FSTL5: variants seen among roughly 807,000 people sequenced by gnomAD.
FSTL5 encodes the protein follistatin like 5.
Under a neutral mutation model 89.1 loss-of-function variants are expected in FSTL5, and 62 were observed. The ratio of observed to expected loss-of-function variants is 0.70; its 90% confidence interval spans 0.57 to 0.86. The LOEUF is 0.86. Among genes scored for constraint, FSTL5 ranks in the 40% least tolerant of loss-of-function variants. The pLI is 0.00. For missense variants in FSTL5, 1,057 were observed against 1,001.6 expected, an observed-to-expected ratio of 1.06 and a Z score of -0.75; for synonymous variants, 383 against 346.2, an observed-to-expected ratio of 1.11 and a Z score of -1.18.
At chr4:161,556,559 T>A (rs958498499) in intron 8 of FSTL5, among the ~76,000 whole-genome samples, 2 of 151,502 alleles carry the variant, frequency 1.3e-5, no homozygotes, top group Non-Finnish European at 3.0e-5. Flanking sequence ...TACTCATTTG[T>A]AAAATGAACA....
At chr4:161,943,914 TCAGA>T (rs1256935293) in intron 3 of FSTL5, among the ~76,000 whole-genome samples, 1 of 152,148 alleles carries the variant, frequency 6.6e-6, no homozygotes, top group Non-Finnish European at 1.5e-5. Flanking sequence ...CATTAAGTTC[TCAGA>T]CAAATTGTTG....
chr4:161,920,100 G>A (rs1156477040), intron 4 of FSTL5, among the ~76,000 whole-genome samples: 1 of 152,200 alleles, frequency 6.6e-6, no homozygotes. Flanking sequence ...AATTTGGCCT[G>A]TAGACTGAAT....
intron 6 of FSTL5, among the ~76,000 whole-genome samples, chr4:161,656,946 G>A (rs1397502585): frequency 6.6e-6 from 1 of 152,120 alleles, no homozygotes; most frequent in Admixed American, 6.5e-5. Flanking sequence ...GACTCTGAAG[G>A]CATAAGATTT....
intron 4 of FSTL5, among the ~76,000 whole-genome samples, chr4:161,785,235 A>G (rs752137700): frequency 1.3e-5 from 2 of 152,190 alleles, no homozygotes; most frequent in Non-Finnish European, 2.9e-5. Flanking sequence ...AGGTGCATCC[A>G]TTTGTCTTGG....
At chr4:161,814,665 A>G (rs1730269944) in intron 4 of FSTL5, among the ~76,000 whole-genome samples, 1 of 152,116 alleles carries the variant, frequency 6.6e-6, no homozygotes, top group African/African-American at 2.4e-5. Context: ...AAATGTTTCA[A>G]TCTCTGGATT....
chr4:161,489,276 T>C (rs1268434012), intron 12 of FSTL5, among the ~76,000 whole-genome samples: 1 of 152,032 alleles, frequency 6.6e-6, no homozygotes, highest in Non-Finnish European at 1.5e-5. Context: ...CCAGGGGCCA[T>C]TAGACACTGA....
intron 5 of FSTL5, among the ~76,000 whole-genome samples, chr4:161,774,309 C>T (rs2126802715): frequency 6.6e-6 from 1 of 152,234 alleles, no homozygotes; most frequent in Admixed American, 6.5e-5. Context: ...TCTCTCACCC[C>T]CACTTCCAAG....
chr4:161,884,056 TTTAA>T (rs1000185563), intron 4 of FSTL5, among the ~76,000 whole-genome samples: 35 of 43,204 alleles, frequency 8.1e-4, no homozygotes, highest in Admixed American at 2.3e-3. Flanking sequence ...GTTCTTTTAA[TTTAA>T]TTTTTTTTGA....
intron 3 of FSTL5, among the ~76,000 whole-genome samples, chr4:162,022,409 T>C (rs950962845): frequency 6.6e-6 from 1 of 151,800 alleles, no homozygotes; most frequent in Non-Finnish European, 1.5e-5. Context: ...ATACCAAGAG[T>C]TTTAAAGAAA....
intron 2 of FSTL5, among the ~76,000 whole-genome samples, chr4:162,042,719 T>C (rs1469539163): frequency 4.6e-5 from 7 of 151,922 alleles, no homozygotes; most frequent in Non-Finnish European, 1.0e-4. Context: ...TCTCAATGTA[T>C]ATTAATTTGA....
At chr4:162,115,216 A>G (rs1406725914) in intron 1 of FSTL5, among the ~76,000 whole-genome samples, 1 of 152,198 alleles carries the variant, frequency 6.6e-6, no homozygotes, top group Non-Finnish European at 1.5e-5. Flanking sequence ...TTACTAAGAA[A>G]AACAAATGAA....
At chr4:161,677,642 A>C (rs1737353607) in intron 6 of FSTL5, among the ~76,000 whole-genome samples, 2 of 151,976 alleles carry the variant, frequency 1.3e-5, no homozygotes, top group Admixed American at 1.3e-4. Context: ...TGAGAACCGA[A>C]AGAGTGTTCC....
In FSTL5 at chr4:161,664,957, A is replaced by G. The variant is rs140288636; in HGVS notation, c.728-8463T>C. 937 of 165,572 alleles carry G rather than the reference A, an allele frequency of 5.7e-3. 10 individuals are homozygous for G. Among genetic ancestry groups the G allele is most frequent in the South Asian group, 0.043 (225 of 5,280 alleles). 10.3% of individuals were successfully genotyped at this position (165,572 alleles called of 1,614,324 possible). On this transcript the variant is annotated intron_variant, in intron 6 of 15. Transcript: ENST00000306100. ...TCAGATCTCATGAGACCTATTCACT[A>G]TCACGAGAATAACACGGGAAAGACC...
chr4:162,147,303 C>A (rs749210076), intron 1 of FSTL5, among the ~76,000 whole-genome samples: 1 of 151,970 alleles, frequency 6.6e-6, no homozygotes, highest in Non-Finnish European at 1.5e-5. Flanking sequence ...GAAATAGTTT[C>A]TCCTATTTCT....
intron 8 of FSTL5, among the ~76,000 whole-genome samples, chr4:161,555,010 C>T (rs1404277665): frequency 6.6e-6 from 1 of 151,656 alleles, no homozygotes; most frequent in Non-Finnish European, 1.5e-5. Context: ...GACTTTCACA[C>T]TGCCTCTTGT....
At chr4:162,125,880 T>A (rs1456560238) in intron 1 of FSTL5, among the ~76,000 whole-genome samples, 2 of 152,080 alleles carry the variant, frequency 1.3e-5, no homozygotes, top group Non-Finnish European at 2.9e-5. Context: ...TGTGCCTGTG[T>A]GTGTTTACTG....
At chr4:161,844,036 A>T (rs1324701061) in intron 4 of FSTL5, among the ~76,000 whole-genome samples, 1 of 152,190 alleles carries the variant, frequency 6.6e-6, no homozygotes, top group East Asian at 1.9e-4. Context: ...AAATTTTTGC[A>T]ATCTATCCAT....
In FSTL5 at chr4:161,938,868, T is replaced by A. The variant is rs150199734; in HGVS notation, c.161-18216A>T. ...GGTTATTCTTAATTTATCCTTAAAC[T>A]TAAGTATTTTTTTTAATTGGTGACA... On this transcript the variant is annotated intron_variant, in intron 3 of 15. Coordinates refer to ENST00000306100, the MANE Select transcript of FSTL5 (RefSeq NM_020116.5). Among the ~76,000 whole-genome samples, 1,320 of 152,082 alleles carry A rather than the reference T, an allele frequency of 8.7e-3. 74 individuals are homozygous for A. The highest frequency in any genetic ancestry group is 0.081 in the Admixed American group (1,227 of 15,230).
At chr4:161,809,297 C>T (rs971097234) in intron 4 of FSTL5, among the ~76,000 whole-genome samples, 4 of 152,100 alleles carry the variant, frequency 2.6e-5, no homozygotes, top group African/African-American at 9.7e-5. Flanking sequence ...ATGAGGATGA[C>T]CACTATTTTT....
Sources: gnomAD v4.1 joint callset for allele counts (sites outside exome capture counted in the v4.1 genomes callset) on GRCh38, gnomAD v4.1.1 for gene constraint, MANE v1.5 for transcripts, NCBI Gene and HGNC (gene_info 2026-07-23, HGNC 2026-07-21) for gene names.